The following PCCA variants were observed in gnomAD, a reference collection of about 807,000 sequenced individuals.
PCCA encodes the protein propionyl-CoA carboxylase alpha chain, mitochondrial.
A neutral mutation model predicts 101.3 loss-of-function variants in PCCA; 74 were observed. That is an observed-to-expected ratio of 0.73 (90% CI 0.61 to 0.89). PCCA has a LOEUF of 0.89. PCCA is among the 40% of genes least tolerant of loss of function. The pLI is 0.00. For missense variants in PCCA, 891 were observed against 907.0 expected (o/e 0.98, Z 0.23); for synonymous variants, 294 against 313.6 (o/e 0.94, Z 0.66).
chr13:100,469,789 CAAACA>C (rs1010662205), intron 21 of PCCA, among the ~76,000 whole-genome samples: 14 of 150,710 alleles, frequency 9.3e-5, no homozygotes, highest in Admixed American at 5.3e-4. Flanking sequence ...CAAAAAAAAA[CAAACA>C]AAACAAAACA....
rs2152387053 is a variant in PCCA, at chr13:100,157,283, T to C, written c.415-4T>C. The stretch of plus-strand genomic sequence containing the variant: ...TGAAAGTGCTTTTTGCTTTCATTTC[T>C]AAGGTACATCCAGGTTATGGATTCC... On this transcript the variant is annotated splice_region_variant and splice_polypyrimidine_tract_variant and intron_variant, in intron 5 of 23. Coordinates refer to ENST00000376285, the MANE Select transcript of PCCA (RefSeq NM_000282.4). The C allele has an allele frequency of 6.2e-7, 1 of 1,607,524 alleles. No homozygotes were observed. The highest frequency in any genetic ancestry group is 1.7e-5 in the Admixed American group (1 of 59,976).
intron 20 of PCCA, among the ~76,000 whole-genome samples, chr13:100,438,794 C>T (rs952235789): frequency 2.6e-5 from 4 of 151,836 alleles, no homozygotes; most frequent in Non-Finnish European, 4.4e-5. Context: ...TTCTTGGCTC[C>T]CTCCGCATTT....
intron 16 of PCCA, among the ~76,000 whole-genome samples, chr13:100,319,369 G>A (rs2067747531): frequency 6.6e-6 from 1 of 152,066 alleles, no homozygotes; most frequent in Admixed American, 6.6e-5. Flanking sequence ...TTTGGCTTTT[G>A]TTGCCATTGC....
At chr13:100,377,210 T>C (rs2075970177) in intron 19 of PCCA, among the ~76,000 whole-genome samples, 1 of 152,224 alleles carries the variant, frequency 6.6e-6, no homozygotes, top group Admixed American at 6.5e-5. Flanking sequence ...ACCCACCTTC[T>C]GTGCTGATCT....
intron 18 of PCCA, among the ~76,000 whole-genome samples, chr13:100,346,862 A>G (rs558701882): frequency 1.3e-5 from 2 of 151,888 alleles, no homozygotes; most frequent in Non-Finnish European, 2.9e-5. Flanking sequence ...GAGGGTTAGC[A>G]TTTTTTTAGT....
intron 21 of PCCA, among the ~76,000 whole-genome samples, chr13:100,452,128 T>C (rs1218456313): frequency 7.5e-6 from 1 of 132,578 alleles, no homozygotes; most frequent in African/African-American, 3.0e-5. Flanking sequence ...CTTCTTCCTC[T>C]CCCTCTCTCT....
intron 12 of PCCA, among the ~76,000 whole-genome samples, chr13:100,296,155 A>G (rs924723596): frequency 6.6e-5 from 10 of 152,194 alleles, no homozygotes; most frequent in African/African-American, 2.2e-4. Flanking sequence ...ATGTTGGTCA[A>G]GTCAGATGTC....
intron 7 of PCCA, among the ~76,000 whole-genome samples, chr13:100,224,045 G>A (rs1002722632): frequency 1.3e-5 from 2 of 152,264 alleles, no homozygotes; most frequent in Non-Finnish European, 2.9e-5. Flanking sequence ...CGCGCCGTGC[G>A]CCCGCACTCC....
Position 100,268,828 on chromosome 13 carries a change from TTTCA to T in PCCA, c.914+67_914+70del, listed in dbSNP as rs113891803. 7.2e-4 allele frequency: 859 copies of T among 1,192,950 alleles called. 2 individuals carry two copies. Among genetic ancestry groups the T allele is most frequent in the African/African-American group, 6.9e-3 (451 of 65,494 alleles). The allele number at this position is 1,192,950 out of a possible 1,614,324, so 73.9% of individuals were successfully genotyped here. A position where few individuals can be genotyped will look rare whatever the true frequency, so the allele number is the denominator to read the frequency against. On this transcript the variant is annotated intron_variant, in intron 11 of 23. Coordinates refer to ENST00000376285, the MANE Select transcript of PCCA (RefSeq NM_000282.4). Reference sequence around the variant, plus strand: ...TTTATAAAGCGGCTGCTTTTATGCATTTCATTCATTCATTCATTCATTCATCATT... The same window carrying T: ...TTTATAAAGCGGCTGCTTTTATGCATTTCATTCATTCATTCATTCATCATT...
At chr13:100,369,512 T>C (rs1190164666) in intron 19 of PCCA, among the ~76,000 whole-genome samples, 1 of 152,182 alleles carries the variant, frequency 6.6e-6, no homozygotes, top group Non-Finnish European at 1.5e-5. Flanking sequence ...GTTGCATGCC[T>C]ACTGTGCACC....
intron 19 of PCCA, among the ~76,000 whole-genome samples, chr13:100,376,422 G>A (rs1213120132): frequency 1.3e-5 from 2 of 152,208 alleles, no homozygotes; most frequent in South Asian, 2.1e-4. Flanking sequence ...AGGCAGGAAC[G>A]CTTAAGTCTG....
In PCCA at chr13:100,147,100, TAA is replaced by T. The variant is rs2052672438; in HGVS notation, c.301-7876_301-7875del. ...ACCAAGAAAAATCTTAAACATGAAA[TAA>T]AACTCTGCACCTTTATTTCTGCATA... On this transcript the variant is annotated intron_variant, in intron 4 of 23. Coordinates refer to ENST00000376285, the MANE Select transcript of PCCA (RefSeq NM_000282.4). Among the ~76,000 whole-genome samples the T allele has an allele frequency of 2.0e-5, 3 of 151,664 alleles. No individual in the cohort carries two copies. The South Asian group carries it at 6.2e-4, about 31-fold the overall frequency.
intron 19 of PCCA, among the ~76,000 whole-genome samples, chr13:100,419,459 G>A (rs2078602243): frequency 6.8e-6 from 1 of 147,080 alleles, no homozygotes; most frequent in East Asian, 1.9e-4. Context: ...GCAACAGAGC[G>A]AGACTTTGTC....
chr13:100,502,044 C>T (rs892798549), intron 21 of PCCA, among the ~76,000 whole-genome samples: 1 of 152,006 alleles, frequency 6.6e-6, no homozygotes, highest in Non-Finnish European at 1.5e-5. Context: ...TCAGCCAGTG[C>T]CTCTTCTGCT....
intron 12 of PCCA, 93 bp from the exon 13 acceptor site, chr13:100,301,367 C>T (rs1387060581): frequency 7.2e-7 from 1 of 1,396,316 alleles, no homozygotes; most frequent in Non-Finnish European, 1.0e-6. Context: ...CGATTAACTT[C>T]ATTTTACCCA....
At chr13:100,511,748 G>C (rs1232440525) in intron 21 of PCCA, among the ~76,000 whole-genome samples, 2 of 152,214 alleles carry the variant, frequency 1.3e-5, no homozygotes, top group African/African-American at 4.8e-5. Context: ...CAAACTGCAA[G>C]CGCTCACCTC....
At chr13:100,125,401 T>TA (rs2049860944) in intron 4 of PCCA, among the ~76,000 whole-genome samples, 1 of 152,190 alleles carries the variant, frequency 6.6e-6, no homozygotes, top group Non-Finnish European at 1.5e-5. Flanking sequence ...CAAAAAGTCT[T>TA]ACGGCAAAGC....
chr13:100,157,817 C>G (rs2054030816), intron 6 of PCCA, among the ~76,000 whole-genome samples: 1 of 152,102 alleles, frequency 6.6e-6, no homozygotes, highest in Non-Finnish European at 1.5e-5. Context: ...ATATTTATAA[C>G]TTCATTCAAG....
intron 21 of PCCA, among the ~76,000 whole-genome samples, chr13:100,463,112 G>A (rs1284401510): frequency 6.6e-6 from 1 of 152,126 alleles, no homozygotes. Flanking sequence ...AAGGCGCAGA[G>A]GTATTAAGAT....
Sources: allele counts gnomAD v4.1 joint callset (sites outside exome capture counted in the v4.1 genomes callset), GRCh38; gene constraint gnomAD v4.1.1; transcripts MANE v1.5; gene names NCBI Gene and HGNC (gene_info 2026-07-23, HGNC 2026-07-21).